Variants in MAP4K4 observed in about 807,000 individuals in gnomAD.
MAP4K4 encodes the protein mitogen-activated protein kinase kinase kinase kinase 4.
MAP4K4 carries 38 observed loss-of-function variants against 189.6 expected under a neutral mutation model. That is an observed-to-expected ratio of 0.20 (90% confidence interval 0.15 to 0.26). MAP4K4 has a LOEUF of 0.26. Among genes scored for constraint, MAP4K4 ranks in the 10% least tolerant of loss-of-function variants. The pLI is 1.00. For synonymous variants in MAP4K4, 610 were observed against 624.3 expected (o/e 0.98, Z 0.34); for missense variants, 1,054 against 1,726.9 (o/e 0.61, Z 6.91).
intron 15 of MAP4K4, chr2:101,860,482 A>G (rs2097611702): frequency 1.6e-5 from 3 of 192,312 alleles, no homozygotes; most frequent in South Asian, 1.2e-4. Flanking sequence ...AGTGAAATGC[A>G]TTCCGGATTT....
At position 101,871,242 on chromosome 2, in the gene MAP4K4, C is replaced by T. The variant is rs140508044; in HGVS notation, c.2761-252C>T. On this transcript the variant is annotated intron_variant, in intron 23 of 32. Transcript: ENST00000324219. ...TACTGGTTTTGGTAACAGAAGCTAG[C>T]GCAACAGATAAACCAGATTAAACAC... Among the ~76,000 whole-genome samples the T allele has an allele frequency of 1.2e-4, 19 of 152,192 alleles. 1 individual carries two copies. Among genetic ancestry groups the T allele is most frequent in the South Asian group, 1.0e-3 (5 of 4,822 alleles).
At chr2:101,758,273 C>T (rs1357463588) in intron 2 of MAP4K4, among the ~76,000 whole-genome samples, 2 of 152,102 alleles carry the variant, frequency 1.3e-5, no homozygotes, top group Admixed American at 1.3e-4. Context: ...TTTGTGGTTA[C>T]AGTAGCTGTT....
rs559295119 is a variant in MAP4K4, at chr2:101,814,610, T to C, written c.181-9318T>C. ...ATGGAAACTAAGGCTTTTTTCCTTG[T>C]TACCATATTGGCAGACTATAGCAAA... is the stretch of plus-strand genomic sequence containing the variant. On this transcript the variant is annotated intron_variant, in intron 3 of 32. Coordinates refer to ENST00000324219, the Ensembl canonical transcript of MAP4K4. Among the ~76,000 whole-genome samples the C allele has an allele frequency of 3.1e-4, 47 of 152,350 alleles. No homozygotes were observed. In the Middle Eastern group the frequency reaches 0.014, roughly 44 times the overall value.
rs980383229 is a variant in MAP4K4, at chr2:101,859,030, G to A, written c.1430G>A (p.Arg477Gln). ...AGGCGACAGCTAGAAGAGGAGCAGC[G>A]GCACTTGGAAGTCCTTCAGCAGCAG... The change falls in exon 14 of 33, where the codon CGG (arginine) becomes CAG (glutamine). Residue 477 changes from arginine to glutamine, a missense_variant. Coordinates refer to ENST00000324219, the Ensembl canonical transcript of MAP4K4. 16 of 1,612,606 alleles carry A rather than the reference G, an allele frequency of 9.9e-6. No homozygotes were observed. In the Admixed American group the frequency reaches 1.0e-4, roughly 10 times the overall value.
intron 6 of MAP4K4, among the ~76,000 whole-genome samples, chr2:101,830,865 C>T (rs369930716): frequency 6.6e-5 from 10 of 152,108 alleles, no homozygotes; most frequent in South Asian, 2.1e-4. Context: ...CTGCCTGGCC[C>T]GTGTGTCTCT....
chr2:101,819,733 C>T (rs2095926582), intron 3 of MAP4K4, among the ~76,000 whole-genome samples: 1 of 152,042 alleles, frequency 6.6e-6, no homozygotes, highest in South Asian at 2.1e-4. Flanking sequence ...TCGGTGTTTC[C>T]GTCATATTAG....
At chr2:101,770,421 TG>T (rs2080836524) in intron 2 of MAP4K4, among the ~76,000 whole-genome samples, 1 of 151,914 alleles carries the variant, frequency 6.6e-6, no homozygotes, top group South Asian at 2.1e-4. Flanking sequence ...GCTAATTTTT[TG>T]TATGTTAGTA....
At chr2:101,804,020 C>G (rs1489670880) in intron 3 of MAP4K4, among the ~76,000 whole-genome samples, 3 of 152,144 alleles carry the variant, frequency 2.0e-5, no homozygotes, top group Non-Finnish European at 2.9e-5. Context: ...CATAAATGGC[C>G]TCAGCGTTGC....
chr2:101,700,211 A>T (rs4314006), intron 2 of MAP4K4, among the ~76,000 whole-genome samples: 4,707 of 152,128 alleles, frequency 0.031, 253 homozygotes, highest in African/African-American at 0.11. Context: ...AAAGAATGAA[A>T]CCCCAGTTTG....
rs570213354 is a variant in MAP4K4, at chr2:101,860,703, T to C, written c.1705-122T>C. The C allele has an allele frequency of 3.0e-5, 24 of 799,918 alleles. No homozygotes were observed. The African/African-American group carries it at 4.2e-4, about 14-fold the overall frequency. 49.6% of individuals were successfully genotyped at this position (799,918 alleles called of 1,614,324 possible). ...TTCTTTTTTCCAGCTACCCCTCTCT[T>C]TTCTGGTAGCAGAAGAAAACAGAAA... On this transcript the variant is annotated intron_variant, in intron 15 of 32. Transcript: ENST00000324219.
intron 2 of MAP4K4, among the ~76,000 whole-genome samples, chr2:101,767,597 G>A (rs1213456818): frequency 1.3e-5 from 2 of 152,190 alleles, no homozygotes; most frequent in African/African-American, 4.8e-5. Flanking sequence ...AAGTACACCA[G>A]TGCTAATCAT....
chr2:101,809,465 T>C (rs2095273331), intron 3 of MAP4K4, among the ~76,000 whole-genome samples: 1 of 152,214 alleles, frequency 6.6e-6, no homozygotes, highest in African/African-American at 2.4e-5. Flanking sequence ...TCTTAACTGA[T>C]AAAGTATTTG....
intron 3 of MAP4K4, among the ~76,000 whole-genome samples, chr2:101,796,789 A>T (rs2148901567): frequency 6.6e-6 from 1 of 152,290 alleles, no homozygotes; most frequent in South Asian, 2.1e-4. Context: ...ATACTGGAAG[A>T]GCCAGTATAC....
intron 2 of MAP4K4, among the ~76,000 whole-genome samples, chr2:101,780,101 TAC>T (rs2086560032): frequency 6.6e-6 from 1 of 152,202 alleles, no homozygotes; most frequent in African/African-American, 2.4e-5. Flanking sequence ...AGTGTACATA[TAC>T]GTAGGTTCAC....
chr2:101,859,749 G>T, exon 15 of MAP4K4: 1 of 1,611,578 alleles, frequency 6.2e-7, no homozygotes, highest in Non-Finnish European at 8.5e-7. Context: ...GACCATAGGA[G>T]GCCGCACCCG....
At chr2:101,795,681 G>A (rs2093611294) in intron 3 of MAP4K4, among the ~76,000 whole-genome samples, 1 of 152,208 alleles carries the variant, frequency 6.6e-6, no homozygotes, top group African/African-American at 2.4e-5. Flanking sequence ...ATATCTGGAT[G>A]CTAAGTATGC....
intron 3 of MAP4K4, among the ~76,000 whole-genome samples, chr2:101,803,249 GTGTGTGTGTGTGTGTATGTA>G (rs1414636257): frequency 7.5e-6 from 1 of 132,684 alleles, no homozygotes; most frequent in East Asian, 2.5e-4. Flanking sequence ...ATGATGATGT[GTGTGTGTGTGTGTGTATGTA>G]TGTGTGTGTG....
At chr2:101,734,664 CTT>C (rs1258859030) in intron 2 of MAP4K4, among the ~76,000 whole-genome samples, 1 of 152,152 alleles carries the variant, frequency 6.6e-6, no homozygotes, top group Non-Finnish European at 1.5e-5. Context: ...CTGTGCACCG[CTT>C]GGTGGCCAGT....
chr2:101,845,188 T>TAA (rs368024008), intron 12 of MAP4K4, among the ~76,000 whole-genome samples: 31 of 142,620 alleles, frequency 2.2e-4, no homozygotes, highest in South Asian at 4.5e-4. Context: ...AAAATAAAAA[T>TAA]AAAAAAAAAA....
Sources: allele counts gnomAD v4.1 joint callset (sites outside exome capture counted in the v4.1 genomes callset), GRCh38; gene constraint gnomAD v4.1.1; transcripts MANE v1.5; gene names NCBI Gene and HGNC (gene_info 2026-07-23, HGNC 2026-07-21).